Variants in PABPC4L observed in about 807,000 individuals in gnomAD.
PABPC4L encodes polyadenylate-binding protein 4-like.
For missense variants in PABPC4L, 452 were observed against 451.4 expected, an observed-to-expected ratio of 1.00 and a Z score of -0.01; for synonymous variants, 169 against 164.1, an observed-to-expected ratio of 1.03 and a Z score of -0.23.
the PABPC4L span, among the ~76,000 whole-genome samples, chr4:134,064,172 C>T: frequency 1.3e-5 from 2 of 151,728 alleles, no homozygotes; most frequent in East Asian, 1.9e-4. Flanking sequence ...TATCTAAATC[C>T]GATGAGTATT....
At chr4:134,028,206 A>G in the PABPC4L span, among the ~76,000 whole-genome samples, 1 of 152,158 alleles carries the variant, frequency 6.6e-6, no homozygotes, top group Non-Finnish European at 1.5e-5. Flanking sequence ...ATTCTGACTC[A>G]CATTATAGTT....
the PABPC4L span, among the ~76,000 whole-genome samples, chr4:133,967,070 G>T: frequency 6.6e-6 from 1 of 152,048 alleles, no homozygotes; most frequent in Non-Finnish European, 1.5e-5. Context: ...CCCCAAATTT[G>T]CTCTAAAGGT....
chr4:134,051,619 A>G, the PABPC4L span, among the ~76,000 whole-genome samples: 2 of 152,150 alleles, frequency 1.3e-5, no homozygotes, highest in African/African-American at 4.8e-5. Flanking sequence ...AGGCATTGAA[A>G]AAATCTTTAA....
chr4:134,046,141 GTC>G, the PABPC4L span, among the ~76,000 whole-genome samples: 1 of 152,086 alleles, frequency 6.6e-6, no homozygotes, highest in African/African-American at 2.4e-5. Context: ...ACTGGCACCA[GTC>G]TCTGAGTTCC....
chr4:134,172,636 G>A, the PABPC4L span, among the ~76,000 whole-genome samples: 1 of 152,010 alleles, frequency 6.6e-6, no homozygotes, highest in East Asian at 1.9e-4. Flanking sequence ...AAAAACAATT[G>A]CAACGACAAC....
chr4:134,170,460 G>A, the PABPC4L span, among the ~76,000 whole-genome samples: 3 of 152,052 alleles, frequency 2.0e-5, no homozygotes, highest in Non-Finnish European at 4.4e-5. Context: ...AAGAAAATAG[G>A]TTTAATTGCC....
chr4:134,154,586 G>A, the PABPC4L span, among the ~76,000 whole-genome samples: 4 of 151,994 alleles, frequency 2.6e-5, no homozygotes, highest in Admixed American at 2.6e-4. Flanking sequence ...TGGACAATCA[G>A]AAGAATAAAT....
chr4:134,073,345 A>G, the PABPC4L span, among the ~76,000 whole-genome samples: 1 of 152,168 alleles, frequency 6.6e-6, no homozygotes, highest in South Asian at 2.1e-4. Context: ...AAAGTTCCAA[A>G]ATGATCTCCT....
At chr4:134,094,400 T>C in the PABPC4L span, among the ~76,000 whole-genome samples, 557 of 152,084 alleles carry the variant, frequency 3.7e-3, 4 homozygotes, top group Middle Eastern at 0.024. Flanking sequence ...CCTAGGTCTA[T>C]AAAGACACTT....
the PABPC4L span, among the ~76,000 whole-genome samples, chr4:134,171,066 T>A: frequency 6.6e-6 from 1 of 152,152 alleles, no homozygotes; most frequent in Non-Finnish European, 1.5e-5. Context: ...GGTTTGGAAT[T>A]CCATTTGCAT....
At chr4:133,987,271 C>T in the PABPC4L span, among the ~76,000 whole-genome samples, 2 of 152,080 alleles carry the variant, frequency 1.3e-5, no homozygotes, top group Admixed American at 1.3e-4. Context: ...AATGCTGAAG[C>T]AGGTGATAAG....
chr4:134,098,849 G>C, the PABPC4L span, among the ~76,000 whole-genome samples: 1 of 151,792 alleles, frequency 6.6e-6, no homozygotes, highest in Non-Finnish European at 1.5e-5. Context: ...GCCAAGTGAA[G>C]ATTTTGTTTC....
the PABPC4L span, among the ~76,000 whole-genome samples, chr4:134,127,322 A>G: frequency 6.6e-6 from 1 of 152,040 alleles, no homozygotes; most frequent in Non-Finnish European, 1.5e-5. Flanking sequence ...TCAAAGCTCC[A>G]ACTCCTGGCT....
At chr4:133,955,553 A>G in the PABPC4L span, among the ~76,000 whole-genome samples, 1 of 152,184 alleles carries the variant, frequency 6.6e-6, no homozygotes, top group South Asian at 2.1e-4. Context: ...TATTTTATAC[A>G]TATAATCCAT....
the PABPC4L span, among the ~76,000 whole-genome samples, chr4:134,045,700 G>A: frequency 3.3e-5 from 5 of 152,008 alleles, no homozygotes; most frequent in Non-Finnish European, 5.9e-5. Flanking sequence ...CAATTTTGCC[G>A]GTGCCGTCCT....
chr4:134,027,345 G>A, the PABPC4L span, among the ~76,000 whole-genome samples: 1 of 152,120 alleles, frequency 6.6e-6, no homozygotes, highest in Non-Finnish European at 1.5e-5. Context: ...GACAGAGAGA[G>A]AGTCTTGAAA....
chr4:134,003,230 A>G, the PABPC4L span, among the ~76,000 whole-genome samples: 2 of 152,126 alleles, frequency 1.3e-5, no homozygotes, highest in African/African-American at 4.8e-5. Flanking sequence ...CGGAAAGGAG[A>G]ATATGCCTAA....
At chr4:134,136,935 C>G in the PABPC4L span, among the ~76,000 whole-genome samples, 1 of 151,976 alleles carries the variant, frequency 6.6e-6, no homozygotes, top group Non-Finnish European at 1.5e-5. Context: ...TCCCTTAGAA[C>G]GGATGATGAG....
the PABPC4L span, among the ~76,000 whole-genome samples, chr4:134,133,404 ATAT>A: frequency 2.8e-5 from 4 of 144,326 alleles, no homozygotes; most frequent in African/African-American, 7.6e-5. Context: ...TAAATATTAT[ATAT>A]TATTATATGG....
Sources: gnomAD v4.1 joint callset for allele counts (sites outside exome capture counted in the v4.1 genomes callset) on GRCh38, gnomAD v4.1.1 for gene constraint, MANE v1.5 for transcripts, NCBI Gene and HGNC (gene_info 2026-07-23, HGNC 2026-07-21) for gene names.